Variants in SCD observed in about 807,000 individuals in gnomAD.
SCD encodes the protein stearoyl-CoA desaturase.
Under a neutral mutation model 35.7 loss-of-function variants are expected in SCD, and 4 were observed. The observed-to-expected ratio is 0.11, with a 90% confidence interval of 0.06 to 0.26. SCD has a LOEUF of 0.26. SCD is among the 10% of genes least tolerant of loss of function. The pLI, the probability that SCD is intolerant of heterozygous loss-of-function variation, is 1.00. For synonymous variants in SCD, 150 were observed against 170.2 expected, an observed-to-expected ratio of 0.88 and a Z score of 0.92; for missense variants, 282 against 460.7, an observed-to-expected ratio of 0.61 and a Z score of 3.55.
At chr10:100,354,835 A>G (rs908964165) in intron 4 of SCD, among the ~76,000 whole-genome samples, 8 of 152,168 alleles carry the variant, frequency 5.3e-5, no homozygotes, top group African/African-American at 1.9e-4. Context: ...CTCTCTGACT[A>G]TCTTAATTAA....
chr10:100,351,072 C>T (rs1849866936), intron 2 of SCD, among the ~76,000 whole-genome samples: 1 of 152,224 alleles, frequency 6.6e-6, no homozygotes, highest in South Asian at 2.1e-4. Flanking sequence ...GTGTCTCCAA[C>T]TGCAACTAAG....
rs893395800 is a variant in SCD at position 100,360,696 on chromosome 10, A to G, written c.881-38A>G. The G allele has an allele frequency of 1.9e-6, 3 of 1,594,022 alleles. No homozygotes were observed. In the African/African-American group the frequency reaches 4.0e-5, roughly 21 times the overall value. ...GTGTGCACAAATCAAGAAAACCTCAATGCACCGTCACTCCATAACTTCTCG... is the reference window on the plus strand; with the variant it reads ...GTGTGCACAAATCAAGAAAACCTCAGTGCACCGTCACTCCATAACTTCTCG... On this transcript the variant is annotated intron_variant, in intron 5 of 5. Transcript: ENST00000370355.
rs1054411 is a variant in SCD, at chr10:100,347,494, C to G, written c.-11C>G. 0.4 allele frequency: 643,288 copies of G among 1,613,064 alleles called. 134,659 individuals are homozygous for G. The highest frequency in any genetic ancestry group is 0.52 in the Admixed American group (31,056 of 59,932). On this transcript the variant is annotated 5_prime_UTR_variant, in exon 1 of 6. Transcript: ENST00000370355. ...CCCCCTGGAAAGTGATCCCGGCATCCGAGAGCCAAGATGCCGGCCCACTTG... is the reference window on the plus strand; with the variant it reads ...CCCCCTGGAAAGTGATCCCGGCATCGGAGAGCCAAGATGCCGGCCCACTTG...
chr10:100,350,592 C>T (rs184040165), intron 2 of SCD, among the ~76,000 whole-genome samples: 105 of 152,308 alleles, frequency 6.9e-4, no homozygotes, highest in African/African-American at 2.4e-3. Flanking sequence ...AAATCTCCAA[C>T]TGATTTAAGC....
At chr10:100,347,947 G>C (rs561945905) in intron 1 of SCD, 117 bp from the exon 2 acceptor site, 49 of 1,018,668 alleles carry the variant, frequency 4.8e-5, no homozygotes, top group Non-Finnish European at 6.8e-5. Context: ...AGTGAACTAC[G>C]GCGCTGCGGA....
chr10:100,352,347 C>T lies in SCD; in HGVS notation c.311-19C>T, dbSNP rs201891731. The T allele has an allele frequency of 6.8e-5, 109 of 1,611,704 alleles. No individual in the cohort carries two copies. Among genetic ancestry groups the T allele is most frequent in the Non-Finnish European group, 7.5e-5 (89 of 1,179,282 alleles). ...AACTCACACTGATTGGTGACTCCCCCACTGTCTTCTCCTGGCAGGGGTATT... is the reference window on the plus strand; with the variant it reads ...AACTCACACTGATTGGTGACTCCCCTACTGTCTTCTCCTGGCAGGGGTATT... On this transcript the variant is annotated intron_variant, in intron 2 of 5. Coordinates refer to ENST00000370355, the MANE Select transcript of SCD (RefSeq NM_005063.5). The surrounding 1 kb of genome is among the most constrained non-coding windows in gnomAD (Gnocchi z 4.2).
At position 100,361,602 on chromosome 10, in the gene SCD, C is replaced by T. The variant is rs978002050; in HGVS notation, c.*669C>T. 3 of 152,268 alleles carry T rather than the reference C, an allele frequency of 2.0e-5. No homozygotes were observed. Among genetic ancestry groups the T allele is most frequent in the African/African-American group, 7.2e-5 (3 of 41,442 alleles). The allele number at this position is 152,268 out of a possible 1,614,324, so 9.4% of individuals were successfully genotyped here. A position where few individuals can be genotyped will look rare whatever the true frequency, so the allele number is the denominator to read the frequency against. On this transcript the variant is annotated 3_prime_UTR_variant, in exon 6 of 6. Coordinates refer to ENST00000370355, the MANE Select transcript of SCD (RefSeq NM_005063.5). ...TCAAGCCCCACCACATAGCATGCTT[C>T]CTTTCTCTCCTGGCTCGGGGTAAAA...
chr10:100,360,832 A>C lies in SCD; in HGVS notation c.979A>C (p.Met327Leu). Residue 327 changes from methionine (M) to leucine (L), a missense_variant, in exon 6 of 6, where the codon ATG becomes CTG. Coordinates refer to ENST00000370355, the MANE Select transcript of SCD (RefSeq NM_005063.5). ...INFTTFFIDCMAALGLAYDRK... is the reference protein window; with the variant it reads ...INFTTFFIDCLAALGLAYDRK... ...CTTCACCACATTCTTCATTGATTGC[A>C]TGGCCGCCCTCGGTCTGGCCTATGA... The C allele has an allele frequency of 6.2e-7, 1 of 1,613,978 alleles. No homozygotes were observed. The highest frequency in any genetic ancestry group is 8.5e-7 in the Non-Finnish European group (1 of 1,179,872).
Position 100,352,094 on chromosome 10 carries a change from G to C in SCD, c.311-272G>C, listed in dbSNP as rs540737055. Among the ~76,000 whole-genome samples the C allele has an allele frequency of 3.2e-4, 49 of 152,256 alleles. No homozygotes were observed. The highest frequency in any genetic ancestry group is 9.2e-4 in the Admixed American group (14 of 15,286). On this transcript the variant is annotated intron_variant, in intron 2 of 5. Coordinates refer to ENST00000370355, the MANE Select transcript of SCD (RefSeq NM_005063.5). The surrounding 1 kb of genome is among the most constrained non-coding windows in gnomAD (Gnocchi z 4.2). ...ATGCCTTTAAGATGAAGAATGAGTGGTAAGAGCACTATTCTCTCTCCTGCC... is the reference window on the plus strand; with the variant it reads ...ATGCCTTTAAGATGAAGAATGAGTGCTAAGAGCACTATTCTCTCTCCTGCC...
Position 100,364,661 on chromosome 10 carries a change from G to T in SCD, c.*3728G>T, listed in dbSNP as rs1346597456. ...CGCATTGCCACGGAAACATACAGAG[G>T]ATGCCTTTTCTGTGATTGGGTGGGA... is the stretch of plus-strand genomic sequence containing the variant. On this transcript the variant is annotated 3_prime_UTR_variant, in exon 6 of 6. Transcript: ENST00000370355. The T allele has an allele frequency of 6.6e-6, 1 of 152,600 alleles. No homozygotes were observed. The highest frequency in any genetic ancestry group is 1.5e-5 in the Non-Finnish European group (1 of 68,032). The allele number at this position is 152,600 out of a possible 1,614,324, so 9.5% of individuals were successfully genotyped here.
rs997190548 is a variant in SCD at position 100,356,237 on chromosome 10, C to T, written c.648-295C>T. On this transcript the variant is annotated intron_variant, in intron 4 of 5. Coordinates refer to ENST00000370355, the MANE Select transcript of SCD (RefSeq NM_005063.5). This position sits in a 1 kb window ranked among gnomAD's most constrained non-coding sequence, Gnocchi z 4.1. Reference sequence around the variant, plus strand: ...TACAAAAAATTAAAAACTAAATGGGCACGATGGTTCATGCCTGTGGTCCCA... The same window carrying T: ...TACAAAAAATTAAAAACTAAATGGGTACGATGGTTCATGCCTGTGGTCCCA... Among the ~76,000 whole-genome samples, 3 of 152,020 alleles carry T rather than the reference C, an allele frequency of 2.0e-5. No homozygotes were observed. Among genetic ancestry groups the T allele is most frequent in the African/African-American group, 7.3e-5 (3 of 41,378 alleles).
intron 2 of SCD, among the ~76,000 whole-genome samples, chr10:100,351,698 T>C (rs964818346): frequency 2.0e-5 from 3 of 152,112 alleles, no homozygotes; most frequent in Non-Finnish European, 2.9e-5. Flanking sequence ...TTGAGTGCAG[T>C]GGCGCGATCT....
At chr10:100,348,850 C>G (rs1433307505) in intron 2 of SCD, among the ~76,000 whole-genome samples, 1 of 152,150 alleles carries the variant, frequency 6.6e-6, no homozygotes, top group African/African-American at 2.4e-5. Flanking sequence ...GGTTGTTATC[C>G]ACAAAACTAT....
rs1397065346 is a variant in SCD at position 100,352,332 on chromosome 10, G to A, written c.311-34G>A. The A allele has an allele frequency of 6.2e-7, 1 of 1,607,546 alleles. No homozygotes were observed. Among genetic ancestry groups the A allele is most frequent in the South Asian group, 1.1e-5 (1 of 90,748 alleles). ...TCCTTTCCCAGATGGAACTCACACT[G>A]ATTGGTGACTCCCCCACTGTCTTCT... is the stretch of plus-strand genomic sequence containing the variant. On this transcript the variant is annotated intron_variant, in intron 2 of 5. Coordinates refer to ENST00000370355, the MANE Select transcript of SCD (RefSeq NM_005063.5). This position sits in a 1 kb window ranked among gnomAD's most constrained non-coding sequence, Gnocchi z 4.2.
intron 2 of SCD, among the ~76,000 whole-genome samples, chr10:100,350,067 C>T (rs993495826): frequency 2.0e-5 from 3 of 152,116 alleles, no homozygotes; most frequent in Non-Finnish European, 4.4e-5. Flanking sequence ...GAAGGCTGTG[C>T]CTGCTACATT....
intron 4 of SCD, 123 bp downstream of exon 4, chr10:100,354,755 A>G (rs1002566468): frequency 4.0e-6 from 3 of 743,274 alleles, no homozygotes; most frequent in Admixed American, 5.4e-5. Context: ...CATGTTCACA[A>G]TCTTAATTTA....
chr10:100,358,853 G>C (rs963494635), intron 5 of SCD, among the ~76,000 whole-genome samples: 3 of 151,854 alleles, frequency 2.0e-5, no homozygotes, highest in African/African-American at 7.3e-5. Context: ...GCTTGAACCC[G>C]GGAGGCAGAG....
At chr10:100,350,522 T>C (rs1017617019) in intron 2 of SCD, among the ~76,000 whole-genome samples, 1 of 151,964 alleles carries the variant, frequency 6.6e-6, no homozygotes, top group Non-Finnish European at 1.5e-5. Context: ...GCCAGAGCAA[T>C]GAGATGTTGC....
chr10:100,353,171 C>G (rs1589698656), intron 3 of SCD, among the ~76,000 whole-genome samples: 1 of 152,260 alleles, frequency 6.6e-6, no homozygotes, highest in East Asian at 1.9e-4. Context: ...GAAATAGGTA[C>G]TATTATCCCC....
Sources: allele counts gnomAD v4.1 joint callset (sites outside exome capture counted in the v4.1 genomes callset), GRCh38; gene constraint gnomAD v4.1.1; non-coding constraint Gnocchi (gnomAD v3.1); transcripts MANE v1.5; gene names NCBI Gene and HGNC (gene_info 2026-07-23, HGNC 2026-07-21).